ACACA: variants seen among roughly 807,000 people sequenced by gnomAD.
The protein encoded by ACACA is acetyl-CoA carboxylase alpha.
In ACACA, 103 loss-of-function variants were observed where a neutral mutation model predicts 296.1. That is an observed-to-expected ratio of 0.35 (90% CI 0.30 to 0.41). The LOEUF (loss-of-function observed/expected upper bound fraction) is 0.41. Ranked by LOEUF, ACACA falls within the 10% of genes least tolerant of loss-of-function variation. The pLI, the probability that ACACA is intolerant of heterozygous loss-of-function variation, is 1.00. For synonymous variants in ACACA, 953 were observed against 1,038.6 expected (o/e 0.92, Z 1.58); for missense variants, 1,554 against 2,989.7 (o/e 0.52, Z 11.20).
intron 1 of ACACA, among the ~76,000 whole-genome samples, chr17:37,394,605 G>A (rs887539057): frequency 1.3e-5 from 2 of 151,242 alleles, no homozygotes; most frequent in Non-Finnish European, 2.9e-5. Flanking sequence ...GGCCGGGCGC[G>A]GTGGCTCACG....
At chr17:37,376,271 T>C in intron 1 of ACACA, 1 of 776,004 alleles carries the variant, frequency 1.3e-6, no homozygotes, top group Non-Finnish European at 2.2e-6. Context: ...TTTCCAGAGT[T>C]AATCCCATGT....
At chr17:37,281,036 T>C (rs865983626) in intron 5 of ACACA, among the ~76,000 whole-genome samples, 88 of 151,888 alleles carry the variant, frequency 5.8e-4, no homozygotes, top group African/African-American at 2.0e-3. Context: ...ACATAATCTC[T>C]TTCAGAAAGC....
intron 45 of ACACA, among the ~76,000 whole-genome samples, chr17:37,130,968 C>T (rs2075065675): frequency 6.8e-6 from 1 of 146,132 alleles, no homozygotes; most frequent in Non-Finnish European, 1.5e-5. Flanking sequence ...ACCACAATTA[C>T]TTTTGCACCA....
At chr17:37,335,628 T>C (rs1207875248) in intron 2 of ACACA, among the ~76,000 whole-genome samples, 1 of 152,192 alleles carries the variant, frequency 6.6e-6, no homozygotes, top group Non-Finnish European at 1.5e-5. Context: ...GAGTACCCAT[T>C]CTTCCTTTTG....
chr17:37,160,525 G>A (rs979052999), intron 42 of ACACA, among the ~76,000 whole-genome samples: 20 of 152,156 alleles, frequency 1.3e-4, no homozygotes, highest in African/African-American at 3.9e-4. Flanking sequence ...ATGTGAAACC[G>A]TCATCCAGGA....
At chr17:37,374,284 C>T (rs1391505666) in intron 1 of ACACA, among the ~76,000 whole-genome samples, 2 of 148,962 alleles carry the variant, frequency 1.3e-5, no homozygotes, top group East Asian at 2.0e-4. Flanking sequence ...TCTTTTTTTT[C>T]TTTTCTTTTT....
chr17:37,262,071 A>G (rs2081539195), intron 11 of ACACA, among the ~76,000 whole-genome samples: 1 of 152,122 alleles, frequency 6.6e-6, no homozygotes, highest in Admixed American at 6.5e-5. Context: ...TTCCTTGGAC[A>G]AAGGCTATGT....
intron 47 of ACACA, among the ~76,000 whole-genome samples, chr17:37,128,205 G>A (rs1022862791): frequency 6.6e-6 from 1 of 152,060 alleles, no homozygotes; most frequent in African/African-American, 2.4e-5. Context: ...ATAATAGAAA[G>A]TCTAATGTAG....
intron 43 of ACACA, among the ~76,000 whole-genome samples, chr17:37,154,446 A>C (rs1166527857): frequency 6.6e-6 from 1 of 152,242 alleles, no homozygotes; most frequent in East Asian, 1.9e-4. Context: ...AGACAGAACA[A>C]AAAAACACAA....
chr17:37,174,003 TATATATATATATATA>T lies in ACACA; in HGVS notation c.5079+5242_5079+5256del, dbSNP rs1271306060. ...TAATTTATATATATATATATATATA[TATATATATATATATA>T]TATTTTTTTTTTTTTTTTTTTTTGT... On this transcript the variant is annotated intron_variant, in intron 41 of 55. Coordinates refer to ENST00000616317, the MANE Select transcript of ACACA (RefSeq NM_198834.3). 1.1e-3 allele frequency among the ~76,000 whole-genome samples: 15 copies of T among 13,210 alleles called. 1 individual carries two copies. The highest frequency in any genetic ancestry group is 5.8e-3 in the African/African-American group (12 of 2,066). 8.7% of individuals were successfully genotyped at this position (13,210 alleles called of 152,430 possible).
chr17:37,093,191 T>C (rs2072760197), intron 54 of ACACA, among the ~76,000 whole-genome samples: 1 of 152,330 alleles, frequency 6.6e-6, no homozygotes, highest in Non-Finnish European at 1.5e-5. Flanking sequence ...AATAGTGCTT[T>C]TTCCTATGGT....
chr17:37,122,716 G>GA (rs770642429), intron 48 of ACACA, 89 bp from the exon 49 acceptor site: 2 of 1,036,794 alleles, frequency 1.9e-6, no homozygotes, highest in Non-Finnish European at 3.0e-6. Flanking sequence ...AGACATTGGG[G>GA]AAAAAACTAG....
At chr17:37,230,219 T>C (rs1331992525) in intron 25 of ACACA, among the ~76,000 whole-genome samples, 1 of 151,644 alleles carries the variant, frequency 6.6e-6, no homozygotes, top group Non-Finnish European at 1.5e-5. Context: ...ACCCCGTCTC[T>C]ACTAAAAATA....
chr17:37,327,400 C>T (rs769581392), intron 3 of ACACA, among the ~76,000 whole-genome samples: 1 of 152,158 alleles, frequency 6.6e-6, no homozygotes, highest in Non-Finnish European at 1.5e-5. Context: ...AGAACATTAG[C>T]TAGCTGAGGA....
chr17:37,332,085 C>G (rs949805594), intron 2 of ACACA, among the ~76,000 whole-genome samples: 1 of 151,798 alleles, frequency 6.6e-6, no homozygotes. Flanking sequence ...AAATGTAGGG[C>G]CTTACCAGTT....
intron 41 of ACACA, among the ~76,000 whole-genome samples, chr17:37,165,858 G>T: frequency 6.6e-6 from 1 of 151,736 alleles, no homozygotes. Flanking sequence ...GCATTTTTTT[G>T]TAGAGACAGG....
chr17:37,146,226 G>T (rs756665934), intron 45 of ACACA, among the ~76,000 whole-genome samples: 1 of 152,154 alleles, frequency 6.6e-6, no homozygotes, highest in African/African-American at 2.4e-5. Flanking sequence ...CTAATGACAG[G>T]CAACATCATG....
At chr17:37,246,785 C>T (rs1313701654) in intron 19 of ACACA, 41 bp downstream of exon 19, 2 of 1,610,516 alleles carry the variant, frequency 1.2e-6, no homozygotes, top group Non-Finnish European at 1.7e-6. Context: ...CTTTTCCTAC[C>T]TTCCCCTCCC....
intron 35 of ACACA, among the ~76,000 whole-genome samples, chr17:37,197,458 G>T (rs1397519493): frequency 6.6e-6 from 1 of 152,122 alleles, no homozygotes; most frequent in Non-Finnish European, 1.5e-5. Flanking sequence ...GACAGGGGAG[G>T]CTGCATACAT....
Sources: gnomAD v4.1 joint callset for allele counts (sites outside exome capture counted in the v4.1 genomes callset) on GRCh38, gnomAD v4.1.1 for gene constraint, MANE v1.5 for transcripts, NCBI Gene and HGNC (gene_info 2026-07-23, HGNC 2026-07-21) for gene names.